PHC2: variants seen among roughly 807,000 people sequenced by gnomAD.
PHC2 encodes polyhomeotic homolog 2, also known as polyhomeotic-like protein 2.
In PHC2, 29 loss-of-function variants were observed where a neutral mutation model predicts 87.4. That is an observed-to-expected ratio of 0.33 (90% CI 0.25 to 0.45). PHC2 has a LOEUF of 0.45. Ranked by LOEUF, PHC2 falls within the 20% of genes least tolerant of loss-of-function variation. The pLI, the probability that PHC2 is intolerant of heterozygous loss-of-function variation, is 1.00. For missense variants in PHC2, 857 were observed against 1,136.7 expected (o/e 0.75, Z 3.54); for synonymous variants, 438 against 461.7 (o/e 0.95, Z 0.66).
At chr1:33,325,236 G>A in intron 14 of PHC2, 1 of 541,906 alleles carries the variant, frequency 1.8e-6, no homozygotes, top group Non-Finnish European at 3.3e-6. Flanking sequence ...CTCCTCCTAT[G>A]TTCCCCTGTT....
At chr1:33,421,924 A>G (rs1416320728) in intron 1 of PHC2, among the ~76,000 whole-genome samples, 2 of 152,160 alleles carry the variant, frequency 1.3e-5, no homozygotes, top group African/African-American at 4.8e-5. Context: ...CGTTACTCCT[A>G]AGGGCTTTAA....
rs116468317 is a variant in PHC2 at position 33,399,702 on chromosome 1, G to T, written c.-54-24109C>A. ...CCTCCACCAGTCACTGAATTTGGCAGAGAAGCCCGGTGCTACTAGAGGGAC... is the reference window on the plus strand; with the variant it reads ...CCTCCACCAGTCACTGAATTTGGCATAGAAGCCCGGTGCTACTAGAGGGAC... On this transcript the variant is annotated intron_variant, in intron 1 of 14. Transcript: ENST00000683057. 3.1e-3 allele frequency among the ~76,000 whole-genome samples: 479 copies of T among 152,256 alleles called. 1 individual carries two copies. The highest frequency in any genetic ancestry group is 0.011 in the African/African-American group (452 of 41,546).
chr1:33,404,755 T>G (rs1310146853), intron 1 of PHC2, among the ~76,000 whole-genome samples: 1 of 152,198 alleles, frequency 6.6e-6, no homozygotes, highest in Non-Finnish European at 1.5e-5. Flanking sequence ...CAAACAATTA[T>G]GAAGTAAATA....
At chr1:33,329,215 G>T in intron 13 of PHC2, 69 bp from the exon 14 acceptor site, 3 of 1,522,024 alleles carry the variant, frequency 2.0e-6, no homozygotes, top group South Asian at 1.2e-5. Context: ...GAACAAAGGA[G>T]GTATTTCTCC....
At chr1:33,328,809 G>T (rs923342796) in intron 14 of PHC2, 61 bp downstream of exon 14, 4 of 1,486,120 alleles carry the variant, frequency 2.7e-6, no homozygotes, top group Non-Finnish European at 3.7e-6. Flanking sequence ...GTGGTGGGAG[G>T]GTCTCTCATT....
Position 33,354,990 on chromosome 1 carries a change from G to T in PHC2, c.1240C>A (p.Leu414Met), listed in dbSNP as rs754624598. 16 of 1,614,092 alleles carry T rather than the reference G, an allele frequency of 9.9e-6. No individual in the cohort carries two copies. The Admixed American group carries it at 1.7e-4, about 17-fold the overall frequency. The change falls in exon 8 of 15, where the codon CTG (leucine) becomes ATG (methionine). Residue 414 changes from leucine to methionine, a missense_variant. Physicochemically the swap from Leu to Met is conservative, Grantham distance 15. Coordinates refer to ENST00000683057, the MANE Select transcript of PHC2 (RefSeq NM_001385109.1). ...TGCTGACTGCCGCCAGGCTTGTGCA[G>T]GTTGGCAGTGGGACACTGGAGTGGC... ...ALPLQCPTAN[L>M]HKPGGSQQCH...
At chr1:33,411,069 G>A (rs1649963645) in intron 1 of PHC2, among the ~76,000 whole-genome samples, 1 of 152,004 alleles carries the variant, frequency 6.6e-6, no homozygotes, top group Admixed American at 6.6e-5. Context: ...ATTACATTTC[G>A]ATAATTATAT....
chr1:33,391,754 G>T (rs1383645950), intron 1 of PHC2, among the ~76,000 whole-genome samples: 1 of 152,120 alleles, frequency 6.6e-6, no homozygotes, highest in Non-Finnish European at 1.5e-5. Context: ...GGAGACAGAA[G>T]AAGGGAAAGA....
At position 33,375,522 on chromosome 1, in the gene PHC2, T is replaced by C; in HGVS notation, c.18A>G (p.Pro6=). MENEL[P]VPHTSSSACA... is the part of the protein sequence containing the mutation. ...AGGCACTGCTAGATGTATGTGGGAC[T>C]GGCAGCTCATTCTCCATGGCCTGCA... The change falls in exon 2 of 15, where the codon CCA becomes CCG. Residue 6 remains proline (P), a synonymous_variant. Coordinates refer to ENST00000683057, the MANE Select transcript of PHC2 (RefSeq NM_001385109.1). 6 of 1,587,510 alleles carry C rather than the reference T, an allele frequency of 3.8e-6. No individual in the cohort carries two copies. Among genetic ancestry groups the C allele is most frequent in the Non-Finnish European group, 5.1e-6 (6 of 1,165,578 alleles).
At chr1:33,399,952 T>C (rs553655958) in intron 1 of PHC2, among the ~76,000 whole-genome samples, 25 of 152,144 alleles carry the variant, frequency 1.6e-4, no homozygotes, top group African/African-American at 4.3e-4. Context: ...CACTAGGGAC[T>C]CTTAGAAATC....
chr1:33,426,695 G>A (rs1355566882), intron 1 of PHC2, among the ~76,000 whole-genome samples: 1 of 152,088 alleles, frequency 6.6e-6, no homozygotes, highest in Non-Finnish European at 1.5e-5. Context: ...AACTCACAGA[G>A]TCCAAAATGA....
intron 1 of PHC2, among the ~76,000 whole-genome samples, chr1:33,404,098 T>C (rs72881921): frequency 0.011 from 1,732 of 152,236 alleles, 26 homozygotes; most frequent in African/African-American, 0.038. Context: ...TGTCAACACC[T>C]CTACTTGGAT....
intron 9 of PHC2, among the ~76,000 whole-genome samples, chr1:33,342,781 A>G (rs917341097): frequency 1.3e-5 from 2 of 152,320 alleles, no homozygotes; most frequent in South Asian, 2.1e-4. Flanking sequence ...CTGGTATCCA[A>G]TGCCAGGGTC....
intron 14 of PHC2, among the ~76,000 whole-genome samples, chr1:33,327,691 C>A (rs1025879179): frequency 2.0e-5 from 3 of 152,220 alleles, no homozygotes; most frequent in Admixed American, 1.3e-4. Context: ...TGGGGACATC[C>A]CACTGCCATG....
At chr1:33,397,026 T>C (rs1324391263) in intron 1 of PHC2, among the ~76,000 whole-genome samples, 2 of 152,194 alleles carry the variant, frequency 1.3e-5, no homozygotes, top group Non-Finnish European at 2.9e-5. Context: ...CTCTGCCTCT[T>C]ACCAGCTGTG....
intron 9 of PHC2, among the ~76,000 whole-genome samples, chr1:33,343,473 A>AG (rs1646786753): frequency 6.6e-6 from 1 of 150,624 alleles, no homozygotes; most frequent in Non-Finnish European, 1.5e-5. Flanking sequence ...TGTCTCAAAA[A>AG]AAAAAAAAAA....
chr1:33,409,546 A>C (rs1477881281), intron 1 of PHC2, among the ~76,000 whole-genome samples: 1 of 152,230 alleles, frequency 6.6e-6, no homozygotes, highest in East Asian at 1.9e-4. Flanking sequence ...TCTATAATGA[A>C]AATATATACT....
At chr1:33,376,134 A>T (rs945933430) in intron 1 of PHC2, among the ~76,000 whole-genome samples, 22 of 152,202 alleles carry the variant, frequency 1.4e-4, no homozygotes, top group African/African-American at 5.3e-4. Context: ...TCCCGGGTTC[A>T]AGCGATTCTC....
At chr1:33,342,187 G>T (rs1286815741) in intron 9 of PHC2, among the ~76,000 whole-genome samples, 1 of 152,246 alleles carries the variant, frequency 6.6e-6, no homozygotes, top group East Asian at 1.9e-4. Context: ...CAAGCCAGGG[G>T]ACCCTCCAGC....
Sources: gnomAD v4.1 joint callset for allele counts (sites outside exome capture counted in the v4.1 genomes callset) on GRCh38, gnomAD v4.1.1 for gene constraint, MANE v1.5 for transcripts, NCBI Gene and HGNC (gene_info 2026-07-23, HGNC 2026-07-21) for gene names.